EREG: variants seen among roughly 807,000 people sequenced by gnomAD.
The protein encoded by EREG is proepiregulin.
In EREG, 23 loss-of-function variants were observed where a neutral mutation model predicts 22.4. The observed-to-expected ratio is 1.03, with a 90% CI of 0.74 to 1.46. EREG has a LOEUF of 1.46. Among genes scored for constraint, EREG ranks in the 40% most tolerant of loss-of-function variants. EREG has a pLI of 0.00. For synonymous variants in EREG, 100 were observed against 75.4 expected (o/e 1.33, Z -1.69); for missense variants, 226 against 205.9 (o/e 1.10, Z -0.60).
chr4:74,376,655 A>G (rs1459963360), intron 1 of EREG, among the ~76,000 whole-genome samples: 1 of 152,250 alleles, frequency 6.6e-6, no homozygotes, highest in African/African-American at 2.4e-5. Flanking sequence ...CAATTGAAGC[A>G]GCATTTATAT....
chr4:74,387,864 C>G lies in EREG; in HGVS notation c.*3056C>G, dbSNP rs1377714032. Reference sequence around the variant, plus strand: ...ACTCTTTAACCAGGAATATTAAGTTCTATAACTAGTACTCAAGGTTTAACC... The same window carrying G: ...ACTCTTTAACCAGGAATATTAAGTTGTATAACTAGTACTCAAGGTTTAACC... On this transcript the variant is annotated 3_prime_UTR_variant, in exon 5 of 5. Coordinates refer to ENST00000244869, the MANE Select transcript of EREG (RefSeq NM_001432.3). 1 of 152,182 alleles carries G rather than the reference C, an allele frequency of 6.6e-6. No individual in the cohort carries two copies. The highest frequency in any genetic ancestry group is 1.5e-5 in the Non-Finnish European group (1 of 68,038). 9.4% of individuals were successfully genotyped at this position (152,182 alleles called of 1,614,324 possible).
At chr4:74,371,367 G>A (rs570725278) in intron 1 of EREG, among the ~76,000 whole-genome samples, 5 of 152,082 alleles carry the variant, frequency 3.3e-5, no homozygotes, top group African/African-American at 1.2e-4. Flanking sequence ...TTTTAGCACC[G>A]TTCACATCTA....
At chr4:74,377,973 T>C (rs1447330169) in intron 1 of EREG, among the ~76,000 whole-genome samples, 1 of 152,182 alleles carries the variant, frequency 6.6e-6, no homozygotes, top group East Asian at 1.9e-4. Flanking sequence ...CACTGGTACA[T>C]AGTACATGTT....
rs1031445528 is a variant in EREG, at chr4:74,388,487, A to G, written c.*3679A>G. On this transcript the variant is annotated 3_prime_UTR_variant, in exon 5 of 5. Coordinates refer to ENST00000244869, the MANE Select transcript of EREG (RefSeq NM_001432.3). ...TTTAAGTTTGAAGAGCCATTTTGGT[A>G]AACGGTTTTTATTAAAGATGCTATG... is the stretch of plus-strand genomic sequence containing the variant. 6.6e-6 allele frequency: 1 copy of G among 152,594 alleles called. No individual in the cohort carries two copies. Among genetic ancestry groups the G allele is most frequent in the Non-Finnish European group, 1.5e-5 (1 of 68,012 alleles). 9.5% of individuals were successfully genotyped at this position (152,594 alleles called of 1,614,324 possible). A position where few individuals can be genotyped will look rare whatever the true frequency, so the allele number is the denominator to read the frequency against.
intron 1 of EREG, among the ~76,000 whole-genome samples, chr4:74,368,108 G>A (rs1578815679): frequency 6.6e-6 from 1 of 152,180 alleles, no homozygotes; most frequent in Non-Finnish European, 1.5e-5. Flanking sequence ...GTTAGCAGGA[G>A]CATAATAAAC....
chr4:74,365,258 C>T lies in EREG; in HGVS notation c.-51C>T, dbSNP rs962071909. 1 of 1,471,632 alleles carries T rather than the reference C, an allele frequency of 6.8e-7. No homozygotes were observed. The highest frequency in any genetic ancestry group is 1.4e-5 in the African/African-American group (1 of 72,540). The allele number at this position is 1,471,632 out of a possible 1,614,324, so 91.2% of individuals were successfully genotyped here. A position where few individuals can be genotyped will look rare whatever the true frequency, so the allele number is the denominator to read the frequency against. On this transcript the variant is annotated 5_prime_UTR_variant, in exon 1 of 5. Coordinates refer to ENST00000244869, the MANE Select transcript of EREG (RefSeq NM_001432.3). The stretch of plus-strand genomic sequence containing the variant: ...CCCGTCTGCTCCCGCCCTGCCCGTG[C>T]ACTCTCCGCAGCCGCCCTCCGCCAA...
intron 4 of EREG, among the ~76,000 whole-genome samples, chr4:74,384,156 T>C (rs1328287751): frequency 6.6e-6 from 1 of 152,190 alleles, no homozygotes; most frequent in Non-Finnish European, 1.5e-5. Context: ...CTTGGGCACA[T>C]TATATACAAC....
At chr4:74,382,441 A>T (rs1051347695) in intron 3 of EREG, 3 of 455,754 alleles carry the variant, frequency 6.6e-6, no homozygotes, top group African/African-American at 5.9e-5. Flanking sequence ...CCGTCATTTT[A>T]ATACTACAAT....
chr4:74,381,233 T>G (rs1578822107), intron 3 of EREG, 96 bp downstream of exon 3: 2 of 1,069,082 alleles, frequency 1.9e-6, no homozygotes, highest in Admixed American at 4.2e-5. Flanking sequence ...TATTCAGTAG[T>G]GGTGAAGTCT....
intron 3 of EREG, 53 bp from the exon 4 acceptor site, chr4:74,382,592 C>T (rs569854045): frequency 2.1e-6 from 3 of 1,436,414 alleles, no homozygotes; most frequent in South Asian, 1.4e-5. Context: ...AATTCATAAC[C>T]ATGATTTCCT....
chr4:74,366,171 T>TA (rs200703475), intron 1 of EREG, among the ~76,000 whole-genome samples: 28 of 151,638 alleles, frequency 1.8e-4, no homozygotes, highest in East Asian at 5.8e-4. Flanking sequence ...GCCTTTCTGT[T>TA]AAAAAAAAAT....
Position 74,381,034 on chromosome 4 carries a change from C to T in EREG, c.175C>T (p.Arg59Cys), listed in dbSNP as rs375592554. The T allele has an allele frequency of 7.4e-6, 12 of 1,613,326 alleles. No individual in the cohort carries two copies. The highest frequency in any genetic ancestry group is 2.2e-5 in the South Asian group (2 of 90,946). The change falls in exon 3 of 5, where the codon CGT (arginine) becomes TGT (cysteine). Residue 59 changes from arginine (R) to cysteine (C), a missense_variant. Transcript: ENST00000244869. ...TACAGTTCAGACAGAAGACAATCCACGTGTGGCTCAAGTGTCAATAACAAA... is the reference window on the plus strand; with the variant it reads ...TACAGTTCAGACAGAAGACAATCCATGTGTGGCTCAAGTGTCAATAACAAA... Reference protein sequence around the residue: ...TALVQTEDNPRVAQVSITKCS... With the variant: ...TALVQTEDNPCVAQVSITKCS...
intron 1 of EREG, 67 bp from the exon 2 acceptor site, chr4:74,379,381 T>C: frequency 1.0e-6 from 1 of 991,706 alleles, no homozygotes; most frequent in Non-Finnish European, 1.6e-6. Context: ...TGCAGTTATG[T>C]AGAAATTTGA....
chr4:74,386,972 G>A lies in EREG; in HGVS notation c.*2164G>A, dbSNP rs1752579126. The A allele has an allele frequency of 6.6e-6, 1 of 152,096 alleles. No individual in the cohort carries two copies. The highest frequency in any genetic ancestry group is 6.5e-5 in the Admixed American group (1 of 15,276). The allele number at this position is 152,096 out of a possible 1,614,324, so 9.4% of individuals were successfully genotyped here. A position where few individuals can be genotyped will look rare whatever the true frequency, so the allele number is the denominator to read the frequency against. On this transcript the variant is annotated 3_prime_UTR_variant, in exon 5 of 5. Coordinates refer to ENST00000244869, the MANE Select transcript of EREG (RefSeq NM_001432.3). ...TGCCCAGCTAATTTTTGTATTTTTAGTAGAGGCGGGGTTTCACCATGTTGG... is the reference window on the plus strand; with the variant it reads ...TGCCCAGCTAATTTTTGTATTTTTAATAGAGGCGGGGTTTCACCATGTTGG...
chr4:74,388,427 A>G lies in EREG; in HGVS notation c.*3619A>G, dbSNP rs1752608501. 6.6e-6 allele frequency: 1 copy of G among 152,250 alleles called. No individual in the cohort carries two copies. Among genetic ancestry groups the G allele is most frequent in the East Asian group, 1.9e-4 (1 of 5,184 alleles). The allele number at this position is 152,250 out of a possible 1,614,324, so 9.4% of individuals were successfully genotyped here. A position where few individuals can be genotyped will look rare whatever the true frequency, so the allele number is the denominator to read the frequency against. On this transcript the variant is annotated 3_prime_UTR_variant, in exon 5 of 5. Coordinates refer to ENST00000244869, the MANE Select transcript of EREG (RefSeq NM_001432.3). The stretch of plus-strand genomic sequence containing the variant: ...GATGATGTTAAATGTAATATAATGT[A>G]TTTTCTTTTTATTTTGCACTCTGTA...
intron 1 of EREG, among the ~76,000 whole-genome samples, chr4:74,377,947 C>G (rs1752409120): frequency 6.6e-6 from 1 of 152,162 alleles, no homozygotes; most frequent in Admixed American, 6.5e-5. Context: ...GGTGGGGACA[C>G]AGAGCCAAAC....
intron 3 of EREG, chr4:74,382,375 G>C: frequency 3.1e-6 from 1 of 318,678 alleles, no homozygotes; most frequent in Non-Finnish European, 5.7e-6. Flanking sequence ...TCTCAAACCT[G>C]TACAACTTAC....
intron 4 of EREG, 126 bp downstream of exon 4, chr4:74,382,920 A>G (rs1162378331): frequency 2.9e-6 from 2 of 698,222 alleles, no homozygotes; most frequent in Non-Finnish European, 2.3e-6. Flanking sequence ...AATGATATTT[A>G]CAAGAGTTGA....
rs1009581124 is a variant in EREG at position 74,365,170 on chromosome 4, A to G, written c.-139A>G. On this transcript the variant is annotated 5_prime_UTR_variant, in exon 1 of 5. Coordinates refer to ENST00000244869, the MANE Select transcript of EREG (RefSeq NM_001432.3). Reference sequence around the variant, plus strand: ...ACTTGCCTGATATTTCCAGTGTCAGAGGGACACAGCCAACGTGGGGTCCCT... The same window carrying G: ...ACTTGCCTGATATTTCCAGTGTCAGGGGGACACAGCCAACGTGGGGTCCCT... The G allele has an allele frequency of 1.6e-4, 103 of 663,734 alleles. No individual in the cohort carries two copies. The highest frequency in any genetic ancestry group is 2.6e-4 in the Non-Finnish European group (98 of 373,890). The allele number at this position is 663,734 out of a possible 1,614,324, so 41.1% of individuals were successfully genotyped here.
Sources: gnomAD v4.1 joint callset for allele counts (sites outside exome capture counted in the v4.1 genomes callset) on GRCh38, gnomAD v4.1.1 for gene constraint, MANE v1.5 for transcripts, NCBI Gene and HGNC (gene_info 2026-07-23, HGNC 2026-07-21) for gene names.